SDR42E1: variants seen among roughly 807,000 people sequenced by gnomAD.
The protein encoded by SDR42E1 is short chain dehydrogenase/reductase family 42E, member 1, also known as short-chain dehydrogenase/reductase family 42E member 1.
Under a neutral mutation model 2.6 loss-of-function variants are expected in SDR42E1, and 5 were observed. The ratio of observed to expected loss-of-function variants is 1.94; its 90% CI spans 1.01 to 4.08. The LOEUF (loss-of-function observed/expected upper bound fraction) is 4.08. Among genes scored for constraint, SDR42E1 ranks in the 30% most tolerant of loss-of-function variants. The pLI is 0.00. For missense variants in SDR42E1, 596 were observed against 478.6 expected (o/e 1.25, Z -2.29); for synonymous variants, 231 against 188.3 (o/e 1.23, Z -1.86).
chr16:82,001,958 G>A (rs894700390), intron 1 of SDR42E1, among the ~76,000 whole-genome samples: 20 of 125,376 alleles, frequency 1.6e-4, no homozygotes, highest in African/African-American at 8.9e-4. Flanking sequence ...CACTGGGTGC[G>A]TATACACACA....
rs1431731711 is a variant in SDR42E1, at chr16:81,997,999, T to C, written c.*1112A>G. On this transcript the variant is annotated 3_prime_UTR_variant, in exon 3 of 3. Transcript: ENST00000328945. ...TAATGTTCCCATACTATCCTTTCTGTAGCTGGAGCCATGGACAGACATGGA... is the reference window on the plus strand; with the variant it reads ...TAATGTTCCCATACTATCCTTTCTGCAGCTGGAGCCATGGACAGACATGGA... The C allele has an allele frequency of 1.3e-5, 2 of 152,234 alleles. No individual in the cohort carries two copies. The highest frequency in any genetic ancestry group is 2.9e-5 in the Non-Finnish European group (2 of 68,036). The allele number at this position is 152,234 out of a possible 1,614,324, so 9.4% of individuals were successfully genotyped here.
rs998304137 is a variant in SDR42E1 at position 81,992,724 on chromosome 16, G to C, written c.*6387C>G. 1 of 152,082 alleles carries C rather than the reference G, an allele frequency of 6.6e-6. No homozygotes were observed. Among genetic ancestry groups the C allele is most frequent in the Admixed American group, 6.5e-5 (1 of 15,268 alleles). 9.4% of individuals were successfully genotyped at this position (152,082 alleles called of 1,614,324 possible). ...ATCCCCTGTTGGTTGAAAGACACTTGCCTGGATCACTTTGCTACATGCAAT... is the reference window on the plus strand; with the variant it reads ...ATCCCCTGTTGGTTGAAAGACACTTCCCTGGATCACTTTGCTACATGCAAT... On this transcript the variant is annotated 3_prime_UTR_variant, in exon 3 of 3. Coordinates refer to ENST00000328945, the MANE Select transcript of SDR42E1 (RefSeq NM_145168.3).
intron 1 of SDR42E1, among the ~76,000 whole-genome samples, chr16:82,005,317 T>A (rs1449266767): frequency 1.3e-5 from 2 of 152,176 alleles, no homozygotes; most frequent in Non-Finnish European, 2.9e-5. Flanking sequence ...AAAACTTGTA[T>A]AACTGACCTG....
rs1048974021 is a variant in SDR42E1 at position 81,992,060 on chromosome 16, G to C, written c.*7051C>G. The C allele has an allele frequency of 2.0e-5, 3 of 152,128 alleles. No homozygotes were observed. Among genetic ancestry groups the C allele is most frequent in the Non-Finnish European group, 4.4e-5 (3 of 68,114 alleles). 9.4% of individuals were successfully genotyped at this position (152,128 alleles called of 1,614,324 possible). ...AATCCTATTGACTCAGGAGGCTGAG[G>C]CAGAAGAATCGCTTGAACCCAGGAG... On this transcript the variant is annotated 3_prime_UTR_variant, in exon 3 of 3. Coordinates refer to ENST00000328945, the MANE Select transcript of SDR42E1 (RefSeq NM_145168.3).
Position 82,000,176 on chromosome 16 carries a change from G to A in SDR42E1, c.117C>T (p.Asp39=). The change falls in exon 3 of 3, where the codon GAC becomes GAT. Residue 39 remains aspartate (D), a synonymous_variant. Transcript: ENST00000328945. The stretch of plus-strand genomic sequence containing the variant: ...GAATGGTTTGAGCAGGGCTGCTGAT[G>A]TCAAACAGAATCACATGGACTCCAT... The part of the protein sequence containing the change: ...NQNGVHVILF[D]ISSPAQTIPE... 1 of 1,612,100 alleles carries A rather than the reference G, an allele frequency of 6.2e-7. No homozygotes were observed. Among genetic ancestry groups the A allele is most frequent in the Non-Finnish European group, 8.5e-7 (1 of 1,178,806 alleles).
At chr16:82,008,669 C>G (rs1220926813) in intron 1 of SDR42E1, among the ~76,000 whole-genome samples, 1 of 152,100 alleles carries the variant, frequency 6.6e-6, no homozygotes, top group Non-Finnish European at 1.5e-5. Context: ...GCAAAGCATT[C>G]AAGAGGAAGC....
chr16:82,009,673 G>C (rs1214000237), intron 1 of SDR42E1, among the ~76,000 whole-genome samples: 1 of 152,190 alleles, frequency 6.6e-6, no homozygotes, highest in Non-Finnish European at 1.5e-5. Flanking sequence ...AGGTGGAAGG[G>C]GCTTGCCTTG....
chr16:82,002,800 C>T (rs1912812295), intron 1 of SDR42E1, among the ~76,000 whole-genome samples: 2 of 152,228 alleles, frequency 1.3e-5, no homozygotes, highest in Non-Finnish European at 2.9e-5. Context: ...GATAATAAGC[C>T]TGCCTGAAGA....
At chr16:82,002,021 C>G (rs1320463088) in intron 1 of SDR42E1, among the ~76,000 whole-genome samples, 1 of 150,880 alleles carries the variant, frequency 6.6e-6, no homozygotes, top group Non-Finnish European at 1.5e-5. Flanking sequence ...AACAGAGACA[C>G]TCAGAGGTGT....
At position 81,998,219 on chromosome 16, in the gene SDR42E1, T is replaced by C. The variant is rs1205284071; in HGVS notation, c.*892A>G. ...CTCTGCTTCATTTTTAAACTAAAAA[T>C]GGCATCAGCTTGATTGACTCCCTTA... On this transcript the variant is annotated 3_prime_UTR_variant, in exon 3 of 3. Coordinates refer to ENST00000328945, the MANE Select transcript of SDR42E1 (RefSeq NM_145168.3). 6.6e-6 allele frequency: 1 copy of C among 152,248 alleles called. No homozygotes were observed. The highest frequency in any genetic ancestry group is 6.5e-5 in the Admixed American group (1 of 15,288). The allele number at this position is 152,248 out of a possible 1,614,324, so 9.4% of individuals were successfully genotyped here.
At position 81,999,928 on chromosome 16, in the gene SDR42E1, C is replaced by A. The variant is rs1278409096; in HGVS notation, c.365G>T (p.Ser122Ile). 9 of 1,614,214 alleles carry A rather than the reference C, an allele frequency of 5.6e-6. No homozygotes were observed. Among genetic ancestry groups the A allele is most frequent in the Non-Finnish European group, 5.9e-6 (7 of 1,180,044 alleles). Residue 122 changes from serine (S) to isoleucine (I), a missense_variant, in exon 3 of 3, where the codon AGC (serine) becomes ATC (isoleucine). Transcript: ENST00000328945. Reference sequence around the variant, plus strand: ...ACCTCCAAAGATGACATTGAAAGTGCTGGTGTAAACTAACCTGGGCACCCT... The same window carrying A: ...ACCTCCAAAGATGACATTGAAAGTGATGGTGTAAACTAACCTGGGCACCCT... ...RRRVPRLVYTSTFNVIFGGQV... is the reference protein window; with the variant it reads ...RRRVPRLVYTITFNVIFGGQV...
At position 81,998,656 on chromosome 16, in the gene SDR42E1, G is replaced by A. The variant is rs1912613218; in HGVS notation, c.*455C>T. The A allele has an allele frequency of 6.0e-6, 1 of 166,344 alleles. No individual in the cohort carries two copies. The highest frequency in any genetic ancestry group is 5.7e-5 in the Admixed American group (1 of 17,414). The allele number at this position is 166,344 out of a possible 1,614,324, so 10.3% of individuals were successfully genotyped here. ...CAGCAATAGCCACCATCCCCTCGAG[G>A]ATTGCTCTGTTAGGGATCTGGGCCA... On this transcript the variant is annotated 3_prime_UTR_variant, in exon 3 of 3. Transcript: ENST00000328945.
chr16:81,994,011 G>A lies in SDR42E1; in HGVS notation c.*5100C>T, dbSNP rs1242835655. ...GGGCACAGAGGTGAGTGGAGAGGCT[G>A]CCTTTGGAAACCACGGGGTAGGATC... On this transcript the variant is annotated 3_prime_UTR_variant, in exon 3 of 3. Coordinates refer to ENST00000328945, the MANE Select transcript of SDR42E1 (RefSeq NM_145168.3). 1 of 152,218 alleles carries A rather than the reference G, an allele frequency of 6.6e-6. No individual in the cohort carries two copies. The highest frequency in any genetic ancestry group is 2.4e-5 in the African/African-American group (1 of 41,452). 9.4% of individuals were successfully genotyped at this position (152,218 alleles called of 1,614,324 possible).
Position 81,989,696 on chromosome 16 carries a change from A to G in SDR42E1, c.*9415T>C, listed in dbSNP as rs1292001416. The G allele has an allele frequency of 6.6e-6, 1 of 152,222 alleles. No individual in the cohort carries two copies. The highest frequency in any genetic ancestry group is 1.5e-5 in the Non-Finnish European group (1 of 68,044). 9.4% of individuals were successfully genotyped at this position (152,222 alleles called of 1,614,324 possible). ...AAACTCATTTTCAGTTTAGAGCTCAAAACGTGACTGAATTGAGTAATTGAA... is the reference window on the plus strand; with the variant it reads ...AAACTCATTTTCAGTTTAGAGCTCAGAACGTGACTGAATTGAGTAATTGAA... On this transcript the variant is annotated 3_prime_UTR_variant, in exon 3 of 3. Transcript: ENST00000328945.
chr16:82,005,926 G>A (rs1912919248), intron 1 of SDR42E1, among the ~76,000 whole-genome samples: 1 of 152,184 alleles, frequency 6.6e-6, no homozygotes, highest in African/African-American at 2.4e-5. Context: ...GGGTAATAAA[G>A]TTGACATCTC....
chr16:82,010,976 A>G (rs9926028), intron 1 of SDR42E1, among the ~76,000 whole-genome samples: 6,896 of 152,290 alleles, frequency 0.045, 503 homozygotes, highest in African/African-American at 0.15. Flanking sequence ...CAACAAATAC[A>G]TGCAGTTTAA....
intron 1 of SDR42E1, among the ~76,000 whole-genome samples, chr16:82,010,035 C>T (rs973336171): frequency 1.2e-4 from 19 of 152,328 alleles, no homozygotes; most frequent in Admixed American, 7.2e-4. Flanking sequence ...CCATATAAGA[C>T]GTAAGATGTG....
intron 1 of SDR42E1, among the ~76,000 whole-genome samples, chr16:82,010,663 C>T (rs1419171878): frequency 6.6e-6 from 1 of 152,162 alleles, no homozygotes; most frequent in African/African-American, 2.4e-5. Context: ...CTCCCCGTTT[C>T]GAGTTGTCCC....
rs1003705970 is a variant in SDR42E1 at position 81,999,798 on chromosome 16, C to T, written c.495G>A (p.Glu165=). The change falls in exon 3 of 3, where the codon GAG becomes GAA. Residue 165 remains glutamate, a synonymous_variant. Transcript: ENST00000328945. ...CTCTGTCCAGGGGTGTAGCATTCGC[C>T]TCCAGCACCTTCTGCTCTGCAATTG... ...TKSIAEQKVL[E]ANATPLDRGD... is the part of the protein sequence containing the mutation. 1 of 1,614,234 alleles carries T rather than the reference C, an allele frequency of 6.2e-7. No homozygotes were observed. The highest frequency in any genetic ancestry group is 8.5e-7 in the Non-Finnish European group (1 of 1,180,036).
Sources: allele counts gnomAD v4.1 joint callset (sites outside exome capture counted in the v4.1 genomes callset), GRCh38; gene constraint gnomAD v4.1.1; transcripts MANE v1.5; gene names NCBI Gene and HGNC (gene_info 2026-07-23, HGNC 2026-07-21).